The following NBPF8 variants were observed in gnomAD, a reference collection of about 807,000 sequenced individuals.
NBPF8 encodes NBPF family member NBPF8.
chr1:120,460,166 T>C (rs1339393792), intron 17 of NBPF8, among the ~76,000 whole-genome samples: 33 of 152,208 alleles, frequency 2.2e-4, no homozygotes, highest in African/African-American at 7.7e-4. Context: ...AGCTGGTACA[T>C]TGCACCCCCT....
chr1:120,424,510 C>T (rs1253114073), intron 1 of NBPF8, among the ~76,000 whole-genome samples: 1 of 152,080 alleles, frequency 6.6e-6, no homozygotes, highest in Non-Finnish European at 1.5e-5. Context: ...TGCAACGGCG[C>T]CATCTCAGCT....
chr1:120,455,273 C>T, intron 15 of NBPF8, 136 bp from the exon 14 acceptor site: 1 of 632,194 alleles, frequency 1.6e-6, no homozygotes. Context: ...TCTAGGACAA[C>T]CTAGAATATT....
At chr1:120,462,505 A>G (rs1329311547) in intron 20 of NBPF8, among the ~76,000 whole-genome samples, 8 of 118,748 alleles carry the variant, frequency 6.7e-5, no homozygotes, top group African/African-American at 2.6e-4. Context: ...GTGTGTCCCG[A>G]GGGCACTAAC....
exon 11 of NBPF8, chr1:120,449,391 A>G: frequency 6.9e-7 from 1 of 1,450,160 alleles, no homozygotes; most frequent in Non-Finnish European, 9.7e-7. Flanking sequence ...GCCAACCGAC[A>G]GAACAAATAC....
upstream of NBPF8, among the ~76,000 whole-genome samples, chr1:120,419,500 C>A (rs1252401797): frequency 6.6e-6 from 1 of 151,266 alleles, no homozygotes; most frequent in Non-Finnish European, 1.5e-5. Context: ...ATTTTTTTTT[C>A]CCCCAGGCTG....
At chr1:120,469,552 C>A (rs1194021728), downstream of NBPF8, among the ~76,000 whole-genome samples, 11 of 151,802 alleles carry the variant, frequency 7.2e-5, no homozygotes, top group African/African-American at 2.7e-4. Flanking sequence ...GTTTTTCTCC[C>A]AAACTGCAGC....
intron 11 of NBPF8, among the ~76,000 whole-genome samples, chr1:120,449,796 G>T (rs1255497314): frequency 6.6e-6 from 1 of 152,148 alleles, no homozygotes; most frequent in Non-Finnish European, 1.5e-5. Flanking sequence ...TCAAGTTTCT[G>T]TTGAGGCCCA....
At chr1:120,430,968 C>A (rs1660859234) in intron 3 of NBPF8, among the ~76,000 whole-genome samples, 1 of 151,290 alleles carries the variant, frequency 6.6e-6, no homozygotes, top group South Asian at 2.1e-4. Context: ...TTCCAACCGG[C>A]ATTTTGGTAG....
chr1:120,461,016 C>CTGTG (rs202089337), intron 18 of NBPF8, among the ~76,000 whole-genome samples: 19,829 of 131,052 alleles, frequency 0.15, 1,676 homozygotes, highest in Middle Eastern at 0.28. Context: ...TGAGCTCGAA[C>CTGTG]TGTGTGTGTG....
exon 19 of NBPF8, chr1:120,461,258 A>T: frequency 6.3e-6 from 4 of 637,538 alleles, no homozygotes; most frequent in Non-Finnish European, 1.1e-5. Context: ...TTCCAGGCTC[A>T]GCAGGGAGCT....
intron 18 of NBPF8, among the ~76,000 whole-genome samples, chr1:120,460,985 T>C (rs1205825967): frequency 6.6e-6 from 1 of 151,464 alleles, no homozygotes; most frequent in African/African-American, 2.4e-5. Flanking sequence ...CCCTCATCAG[T>C]GTGTCACCTG....
upstream of NBPF8, chr1:120,433,665 C>T (rs1480392631): frequency 1.3e-3 from 254 of 200,530 alleles, 2 homozygotes; most frequent in African/African-American, 5.7e-3. Context: ...GTACTGGGAA[C>T]GCTGAAGGTG....
rs1235856711 is a variant in NBPF8, at chr1:120,442,890, C to T, written n.998C>T. Reference sequence around the variant, plus strand: ...CAAACGTCAGCATGGTGGTATCAGCCGGCCCTTTGTCCAGCGAGAAGGCAG... The same window carrying T: ...CAAACGTCAGCATGGTGGTATCAGCTGGCCCTTTGTCCAGCGAGAAGGCAG... On this transcript the variant is annotated non_coding_transcript_exon_variant, in exon 6 of 25. Coordinates refer to ENST00000583271, the Ensembl canonical transcript of NBPF8. 1.8e-4 allele frequency: 29 copies of T among 163,768 alleles called. 3 individuals carry two copies. Among genetic ancestry groups the T allele is most frequent in the African/African-American group, 5.4e-4 (1 of 1,846 alleles). 10.1% of individuals were successfully genotyped at this position (163,768 alleles called of 1,614,324 possible).
At chr1:120,431,311 C>T in intron 3 of NBPF8, among the ~76,000 whole-genome samples, 1 of 94,592 alleles carries the variant, frequency 1.1e-5, no homozygotes, top group African/African-American at 5.2e-5. Context: ...ATTATCATCT[C>T]CAAATAGGGA....
intron 21 of NBPF8, 86 bp downstream of exon 19, chr1:120,463,052 C>T: frequency 1.6e-6 from 1 of 634,986 alleles, no homozygotes; most frequent in Non-Finnish European, 2.8e-6. Context: ...CCCTTACTGA[C>T]CCGAGAGATG....
intron 1 of NBPF8, among the ~76,000 whole-genome samples, chr1:120,421,145 A>G (rs1224227225): frequency 6.6e-6 from 1 of 151,980 alleles, no homozygotes; most frequent in African/African-American, 2.4e-5. Context: ...ATCCAAAGAC[A>G]AGACTCAGTG....
upstream of NBPF8, among the ~76,000 whole-genome samples, chr1:120,418,967 A>T (rs1358943289): frequency 2.0e-5 from 3 of 151,728 alleles, no homozygotes; most frequent in Non-Finnish European, 4.4e-5. Context: ...GTATGTGTTC[A>T]ATCTCATTTT....
At chr1:120,421,079 C>T (rs1226455189) in intron 1 of NBPF8, among the ~76,000 whole-genome samples, 171 of 150,560 alleles carry the variant, frequency 1.1e-3, no homozygotes, top group African/African-American at 3.8e-3. Flanking sequence ...GGGAAGGTTG[C>T]GGCCTGGTGT....
At position 120,436,552 on chromosome 1, in the gene NBPF8, C is replaced by T. The variant is rs200208326; in HGVS notation, n.200C>T. The T allele has an allele frequency of 7.0e-3, 10,620 of 1,518,060 alleles. 535 individuals carry two copies. The African/African-American group carries it at 0.12, about 17-fold the overall frequency. The allele number at this position is 1,518,060 out of a possible 1,614,324, so 94.0% of individuals were successfully genotyped here. A position where few individuals can be genotyped will look rare whatever the true frequency, so the allele number is the denominator to read the frequency against. ...TGGTATCAGCCGGCCCTTGGTCCAGCGAGAAGGCAGAGATGAACATTCTAG... is the reference window on the plus strand; with the variant it reads ...TGGTATCAGCCGGCCCTTGGTCCAGTGAGAAGGCAGAGATGAACATTCTAG... On this transcript the variant is annotated non_coding_transcript_exon_variant, in exon 1 of 25. Transcript: ENST00000583271.
Sources: allele counts gnomAD v4.1 joint callset (sites outside exome capture counted in the v4.1 genomes callset), GRCh38; gene constraint gnomAD v4.1.1; transcripts MANE v1.5; gene names NCBI Gene and HGNC (gene_info 2026-07-23, HGNC 2026-07-21).